Variants in UMAD1 observed in about 807,000 individuals in gnomAD.
UMAD1 encodes the protein UBAP1-MVB12-associated (UMA) domain containing 1.
In UMAD1, 8 loss-of-function variants were observed where a neutral mutation model predicts 6.1. The ratio of observed to expected loss-of-function variants is 1.30; its 90% confidence interval spans 0.76 to 2.35. The LOEUF (loss-of-function observed/expected upper bound fraction) is 2.35. UMAD1 is among the 30% of genes most tolerant of loss of function. UMAD1 has a pLI of 0.00. For synonymous variants in UMAD1, 56 were observed against 31.4 expected, an observed-to-expected ratio of 1.78 and a Z score of -2.61; for missense variants, 130 against 78.4, an observed-to-expected ratio of 1.66 and a Z score of -2.49.
At chr7:7,689,237 A>G (rs1780114460) in intron 2 of UMAD1, 1 of 152,198 alleles carries the variant, frequency 6.6e-6, no homozygotes, top group Non-Finnish European at 1.5e-5. Flanking sequence ...TCATGGGCAG[A>G]TACAGACAGA....
intron 2 of UMAD1, chr7:7,676,150 T>A: frequency 2.5e-6 from 1 of 398,658 alleles, no homozygotes; most frequent in East Asian, 3.6e-5. Flanking sequence ...GTGCTGACCC[T>A]GGGTCAGACC....
chr7:7,772,480 G>C (rs1782120730), intron 2 of UMAD1: 2 of 152,110 alleles, frequency 1.3e-5, no homozygotes, highest in African/African-American at 4.8e-5. Context: ...CAGTCTCTGA[G>C]TATCCTGCAG....
At chr7:7,863,415 A>G (rs1208365187) in intron 3 of UMAD1, among the ~76,000 whole-genome samples, 1 of 152,240 alleles carries the variant, frequency 6.6e-6, no homozygotes, top group Non-Finnish European at 1.5e-5. Flanking sequence ...CTGATCTCTT[A>G]GATCTAACTG....
chr7:7,721,931 G>A (rs1009672241), intron 2 of UMAD1, among the ~76,000 whole-genome samples: 1 of 152,096 alleles, frequency 6.6e-6, no homozygotes, highest in African/African-American at 2.4e-5. Context: ...TGCCCGCTTG[G>A]CTGGGATATA....
chr7:7,700,464 G>A (rs1401429069), intron 2 of UMAD1, among the ~76,000 whole-genome samples: 1 of 152,158 alleles, frequency 6.6e-6, no homozygotes, highest in Non-Finnish European at 1.5e-5. Flanking sequence ...AGTGGCTCAT[G>A]CCTGTAATCC....
At chr7:7,869,838 C>A (rs1366280901) in intron 3 of UMAD1, among the ~76,000 whole-genome samples, 1 of 152,102 alleles carries the variant, frequency 6.6e-6, no homozygotes, top group Non-Finnish European at 1.5e-5. Flanking sequence ...TTTCAAACAC[C>A]CAAGAGCGAG....
chr7:7,859,930 T>C (rs1322890458), intron 3 of UMAD1, among the ~76,000 whole-genome samples: 1 of 152,236 alleles, frequency 6.6e-6, no homozygotes, highest in African/African-American at 2.4e-5. Flanking sequence ...TGAAGCATTA[T>C]AATTTTTGAA....
At chr7:7,751,502 C>T (rs537517314) in intron 2 of UMAD1, among the ~76,000 whole-genome samples, 1 of 152,178 alleles carries the variant, frequency 6.6e-6, no homozygotes. Context: ...TCTAGCTTTG[C>T]AATGTGGAAA....
At chr7:7,666,508 G>A (rs1779461045) in intron 1 of UMAD1, among the ~76,000 whole-genome samples, 5 of 151,918 alleles carry the variant, frequency 3.3e-5, no homozygotes, top group Admixed American at 3.3e-4. Flanking sequence ...GTACCTGACC[G>A]GGGCAAATCT....
intron 2 of UMAD1, among the ~76,000 whole-genome samples, chr7:7,766,205 G>A (rs186221804): frequency 2.0e-5 from 3 of 152,282 alleles, no homozygotes; most frequent in African/African-American, 7.2e-5. Context: ...TTCTCCCAGA[G>A]TACATGTGTA....
At chr7:7,689,120 T>G (rs1343435001) in intron 2 of UMAD1, among the ~76,000 whole-genome samples, 1 of 152,142 alleles carries the variant, frequency 6.6e-6, no homozygotes, top group East Asian at 1.9e-4. Context: ...AGTGCTCATT[T>G]GCCTAAGCCA....
chr7:7,815,741 A>G (rs1228825621), intron 3 of UMAD1, among the ~76,000 whole-genome samples: 1 of 152,192 alleles, frequency 6.6e-6, no homozygotes, highest in East Asian at 1.9e-4. Context: ...CCCTAGTGGC[A>G]CGGGAGCCTG....
chr7:7,861,504 A>G (rs527852403), intron 3 of UMAD1, among the ~76,000 whole-genome samples: 66 of 152,334 alleles, frequency 4.3e-4, no homozygotes, highest in African/African-American at 1.6e-3. Context: ...TTTGCCAAAC[A>G]TTGTTTTTCT....
intron 3 of UMAD1, among the ~76,000 whole-genome samples, chr7:7,848,530 T>C (rs1016124505): frequency 6.6e-6 from 1 of 152,104 alleles, no homozygotes; most frequent in Non-Finnish European, 1.5e-5. Context: ...ATAACACTTA[T>C]GGTGTTCTCA....
intron 2 of UMAD1, among the ~76,000 whole-genome samples, chr7:7,789,418 C>G (rs1292680835): frequency 6.6e-6 from 1 of 151,564 alleles, no homozygotes; most frequent in African/African-American, 2.4e-5. Flanking sequence ...TGAAAAAGTA[C>G]CAATTTATTG....
intron 3 of UMAD1, among the ~76,000 whole-genome samples, chr7:7,806,966 C>T (rs1386486038): frequency 2.6e-5 from 4 of 151,984 alleles, no homozygotes; most frequent in Admixed American, 6.6e-5. Flanking sequence ...TTTAGTATAC[C>T]GAAAGAGGTT....
At chr7:7,686,761 G>A (rs1485299735) in intron 2 of UMAD1, among the ~76,000 whole-genome samples, 1 of 152,120 alleles carries the variant, frequency 6.6e-6, no homozygotes, top group African/African-American at 2.4e-5. Context: ...TTTCCATGTG[G>A]CCGTTTTCCA....
chr7:7,648,768 G>C (rs1381896792), intron 1 of UMAD1, among the ~76,000 whole-genome samples: 2 of 152,012 alleles, frequency 1.3e-5, no homozygotes, highest in Non-Finnish European at 1.5e-5. Flanking sequence ...TGGGAGGATG[G>C]CTTGAGTTCA....
intron 1 of UMAD1, among the ~76,000 whole-genome samples, chr7:7,644,354 C>CTTTT (rs35141799): frequency 7.0e-6 from 1 of 141,896 alleles, no homozygotes; most frequent in Non-Finnish European, 1.5e-5. Context: ...TCATTCCATC[C>CTTTT]TTTTTTTTTT....
Sources: allele counts gnomAD v4.1 joint callset (sites outside exome capture counted in the v4.1 genomes callset), GRCh38; gene constraint gnomAD v4.1.1; transcripts MANE v1.5; gene names NCBI Gene and HGNC (gene_info 2026-07-23, HGNC 2026-07-21).